The following ROR2 variants were observed in gnomAD, a reference collection of about 807,000 sequenced individuals.
ROR2 encodes ROR family WNT receptor 2, also known as tyrosine-protein kinase transmembrane receptor ROR2.
A neutral mutation model predicts 74.9 loss-of-function variants in ROR2; 33 were observed. The observed-to-expected ratio is 0.44, with a 90% CI of 0.33 to 0.59. The LOEUF is 0.59. Ranked by LOEUF, ROR2 falls within the 20% of genes least tolerant of loss-of-function variation. The pLI, the probability that ROR2 is intolerant of heterozygous loss-of-function variation, is 0.02. For missense variants in ROR2, 1,216 were observed against 1,313.8 expected, an observed-to-expected ratio of 0.93 and a Z score of 1.15; for synonymous variants, 586 against 558.7, an observed-to-expected ratio of 1.05 and a Z score of -0.69.
intron 1 of ROR2, among the ~76,000 whole-genome samples, chr9:91,789,244 CA>C (rs1204389203): frequency 1.3e-5 from 2 of 152,050 alleles, no homozygotes; most frequent in Non-Finnish European, 2.9e-5. Context: ...ATCAATTTTA[CA>C]TAAAAATTAA....
intron 4 of ROR2, among the ~76,000 whole-genome samples, chr9:91,746,305 G>A (rs1267980966): frequency 6.6e-6 from 1 of 152,092 alleles, no homozygotes; most frequent in Non-Finnish European, 1.5e-5. Flanking sequence ...TCCATCTCCT[G>A]ACTTCAAGTG....
At chr9:91,829,224 G>T (rs898788455) in intron 1 of ROR2, among the ~76,000 whole-genome samples, 12 of 152,204 alleles carry the variant, frequency 7.9e-5, no homozygotes, top group African/African-American at 2.9e-4. Flanking sequence ...CTTCTCAGAA[G>T]TGTATGGGCA....
intron 1 of ROR2, among the ~76,000 whole-genome samples, chr9:91,879,614 A>T (rs775034983): frequency 1.3e-5 from 2 of 152,108 alleles, no homozygotes; most frequent in Non-Finnish European, 2.9e-5. Flanking sequence ...TCACGCACTT[A>T]TGCAGGTACC....
intron 4 of ROR2, among the ~76,000 whole-genome samples, chr9:91,739,513 TAAAAA>T (rs71362359): frequency 2.8e-5 from 3 of 105,602 alleles, no homozygotes; most frequent in African/African-American, 1.1e-4. Context: ...TCTTTAAATT[TAAAAA>T]AAAAAAAAAA....
At chr9:91,766,586 A>T (rs989794214) in intron 2 of ROR2, among the ~76,000 whole-genome samples, 1 of 152,132 alleles carries the variant, frequency 6.6e-6, no homozygotes, top group African/African-American at 2.4e-5. Flanking sequence ...ATTAAGCACA[A>T]TATTTCTTTC....
intron 8 of ROR2, among the ~76,000 whole-genome samples, chr9:91,725,410 T>C (rs1836991854): frequency 6.6e-6 from 1 of 152,172 alleles, no homozygotes; most frequent in Admixed American, 6.5e-5. Context: ...CACTTGTGCA[T>C]GTGTGGACAC....
At chr9:91,852,616 A>AAACACAC in intron 1 of ROR2, among the ~76,000 whole-genome samples, 1 of 54,802 alleles carries the variant, frequency 1.8e-5, no homozygotes, top group South Asian at 6.2e-4. Flanking sequence ...ATAAATGGAA[A>AAACACAC]ACACACAAAC....
At position 91,773,286 on chromosome 9, in the gene ROR2, A is replaced by G. The variant is rs1460793337; in HGVS notation, c.175+2455T>C. 2.6e-5 allele frequency among the ~76,000 whole-genome samples: 4 copies of G among 152,330 alleles called. No individual in the cohort carries two copies. The East Asian group carries it at 5.8e-4, about 22-fold the overall frequency. The stretch of plus-strand genomic sequence containing the variant: ...ACTCAAGTTGGATTCTCGGCCGTTA[A>G]TATGGCCTGTCTGCTTCTCATCACT... On this transcript the variant is annotated intron_variant, in intron 2 of 8. Transcript: ENST00000375708.
intron 1 of ROR2, among the ~76,000 whole-genome samples, chr9:91,799,814 G>A (rs1827312754): frequency 6.6e-6 from 1 of 152,096 alleles, no homozygotes; most frequent in South Asian, 2.1e-4. Flanking sequence ...TGCCAGCAAT[G>A]CTCCTGGCCC....
chr9:91,806,203 T>G (rs1307818504), intron 1 of ROR2, among the ~76,000 whole-genome samples: 1 of 152,202 alleles, frequency 6.6e-6, no homozygotes, highest in Non-Finnish European at 1.5e-5. Flanking sequence ...AGGCAGCTTA[T>G]AGGCAACAGA....
chr9:91,934,927 AAAT>A (rs1831644074), intron 1 of ROR2, among the ~76,000 whole-genome samples: 1 of 152,190 alleles, frequency 6.6e-6, no homozygotes, highest in Non-Finnish European at 1.5e-5. Context: ...TTCCAAACTA[AAAT>A]GATGACACAC....
intron 1 of ROR2, among the ~76,000 whole-genome samples, chr9:91,927,739 AT>A (rs1831447493): frequency 6.6e-6 from 1 of 151,238 alleles, no homozygotes; most frequent in Non-Finnish European, 1.5e-5. Context: ...AATTTTTTGT[AT>A]TTTAGTAGAG....
intron 2 of ROR2, among the ~76,000 whole-genome samples, chr9:91,759,988 G>A (rs1425339888): frequency 6.6e-6 from 1 of 152,186 alleles, no homozygotes; most frequent in Middle Eastern, 3.2e-3. Flanking sequence ...GACAGATAAT[G>A]GAGAATAACT....
intron 1 of ROR2, among the ~76,000 whole-genome samples, chr9:91,861,458 A>G (rs1426675342): frequency 5.3e-5 from 8 of 152,224 alleles, no homozygotes; most frequent in African/African-American, 1.9e-4. Context: ...AAACCCTCAC[A>G]TTTATGGCCA....
chr9:91,761,273 C>A (rs1305676686), intron 2 of ROR2, among the ~76,000 whole-genome samples: 1 of 152,206 alleles, frequency 6.6e-6, no homozygotes, highest in Non-Finnish European at 1.5e-5. Flanking sequence ...ATAATCTTTC[C>A]ATGGCCTGAG....
chr9:91,863,256 C>T (rs977879422), intron 1 of ROR2, among the ~76,000 whole-genome samples: 15 of 152,144 alleles, frequency 9.9e-5, no homozygotes, highest in Non-Finnish European at 2.2e-4. Context: ...GAACTCCTGG[C>T]CTCAAGTGAT....
chr9:91,785,898 A>G (rs1376010981), intron 1 of ROR2, among the ~76,000 whole-genome samples: 4 of 152,134 alleles, frequency 2.6e-5, no homozygotes, highest in Admixed American at 2.6e-4. Context: ...ATGTGCATAT[A>G]TATCTTTACA....
intron 1 of ROR2, among the ~76,000 whole-genome samples, chr9:91,909,860 T>TA (rs1173377178): frequency 1.5e-4 from 19 of 127,610 alleles, no homozygotes; most frequent in East Asian, 1.1e-3. Flanking sequence ...TTTTTTTTTT[T>TA]TTTTTTTTTT....
intron 1 of ROR2, among the ~76,000 whole-genome samples, chr9:91,854,092 A>C (rs893678413): frequency 6.6e-6 from 1 of 152,166 alleles, no homozygotes; most frequent in African/African-American, 2.4e-5. Context: ...AACACCACGC[A>C]AGACACTGGG....
Sources: allele counts gnomAD v4.1 joint callset (sites outside exome capture counted in the v4.1 genomes callset), GRCh38; gene constraint gnomAD v4.1.1; transcripts MANE v1.5; gene names NCBI Gene and HGNC (gene_info 2026-07-23, HGNC 2026-07-21).